TENM3: variants seen among roughly 807,000 people sequenced by gnomAD.
The protein encoded by TENM3 is teneurin-3.
In TENM3, 63 loss-of-function variants were observed where a neutral mutation model predicts 255.1. The ratio of observed to expected loss-of-function variants is 0.25; its 90% CI spans 0.20 to 0.30. The LOEUF (loss-of-function observed/expected upper bound fraction) is 0.30. TENM3 is among the 10% of genes least tolerant of loss of function. The probability of loss-of-function intolerance (pLI) is 1.00; values close to 1 mark genes in which losing one functional copy is unlikely to be tolerated. For missense variants in TENM3, 2,929 were observed against 3,461.1 expected, an observed-to-expected ratio of 0.85 and a Z score of 3.86; for synonymous variants, 1,306 against 1,322.3, an observed-to-expected ratio of 0.99 and a Z score of 0.27.
intron 3 of TENM3, among the ~76,000 whole-genome samples, chr4:182,507,349 G>T (rs1038535271): frequency 6.6e-6 from 1 of 152,008 alleles, no homozygotes; most frequent in African/African-American, 2.4e-5. Context: ...TTTTCTTTCT[G>T]TTCCAAGTAC....
At chr4:182,252,415 A>G (rs902713992) in intron 1 of TENM3, among the ~76,000 whole-genome samples, 1 of 152,212 alleles carries the variant, frequency 6.6e-6, no homozygotes, top group African/African-American at 2.4e-5. Flanking sequence ...AAAAATTTAA[A>G]TAACGATGTG....
Position 182,683,722 on chromosome 4 carries a change from A to T in TENM3, c.2035+1708A>T, listed in dbSNP as rs567791875. Among the ~76,000 whole-genome samples, 6 of 152,264 alleles carry T rather than the reference A, an allele frequency of 3.9e-5. No homozygotes were observed. In the South Asian group the frequency reaches 1.2e-3, roughly 32 times the overall value. On this transcript the variant is annotated intron_variant, in intron 11 of 27. Transcript: ENST00000511685. ...ATTTGCCCACTAAGACAATGAGAGT[A>T]TTGTTTTTGGAAAACTGTCCTGTAG...
the TENM3 span, among the ~76,000 whole-genome samples, chr4:181,913,367 A>C: frequency 6.6e-6 from 1 of 152,130 alleles, no homozygotes; most frequent in African/African-American, 2.4e-5. Context: ...TCAGGCAAAA[A>C]TTTTCTCAGC....
the TENM3 span, among the ~76,000 whole-genome samples, chr4:181,594,707 A>G: frequency 6.6e-6 from 1 of 152,162 alleles, no homozygotes; most frequent in Non-Finnish European, 1.5e-5. Context: ...GTGCCAATCT[A>G]TCTCCTAACC....
chr4:181,924,702 A>G, the TENM3 span, among the ~76,000 whole-genome samples: 1 of 152,076 alleles, frequency 6.6e-6, no homozygotes, highest in African/African-American at 2.4e-5. Flanking sequence ...TCATCATTTG[A>G]ACCTCCCAAC....
At chr4:181,921,146 A>G in the TENM3 span, among the ~76,000 whole-genome samples, 6 of 151,996 alleles carry the variant, frequency 3.9e-5, no homozygotes, top group Non-Finnish European at 7.4e-5. Context: ...GGCTTGTAGT[A>G]GAGTTTGAAG....
the TENM3 span, among the ~76,000 whole-genome samples, chr4:181,559,092 C>G: frequency 6.7e-6 from 1 of 150,336 alleles, no homozygotes; most frequent in South Asian, 2.1e-4. Context: ...ACTTGCTTTT[C>G]GAATTAAAAA....
At chr4:181,957,913 G>C in the TENM3 span, among the ~76,000 whole-genome samples, 2 of 152,182 alleles carry the variant, frequency 1.3e-5, no homozygotes, top group Non-Finnish European at 2.9e-5. Context: ...GGATTGTGCT[G>C]AGTTTCTGGA....
intron 1 of TENM3, among the ~76,000 whole-genome samples, chr4:182,151,716 T>C (rs1750371438): frequency 6.6e-6 from 1 of 152,060 alleles, no homozygotes; most frequent in Admixed American, 6.6e-5. Flanking sequence ...TCTTGGGCAG[T>C]GTTATTACAT....
At chr4:181,581,244 C>A in the TENM3 span, among the ~76,000 whole-genome samples, 1 of 152,100 alleles carries the variant, frequency 6.6e-6, no homozygotes, top group Non-Finnish European at 1.5e-5. Flanking sequence ...AGTTTGAGAC[C>A]AGCCCGGCCA....
At chr4:181,587,128 A>G in the TENM3 span, among the ~76,000 whole-genome samples, 1 of 152,160 alleles carries the variant, frequency 6.6e-6, no homozygotes, top group South Asian at 2.1e-4. Flanking sequence ...TGTCTAGGCC[A>G]ATGTATTTAA....
chr4:182,184,965 C>G (rs970359497), intron 1 of TENM3, among the ~76,000 whole-genome samples: 2 of 151,844 alleles, frequency 1.3e-5, no homozygotes, highest in Non-Finnish European at 2.9e-5. Flanking sequence ...CGCCTGTGAT[C>G]CTAGTAACTC....
At chr4:182,758,766 CACA>C (rs1350140396) in intron 22 of TENM3, among the ~76,000 whole-genome samples, 2 of 152,170 alleles carry the variant, frequency 1.3e-5, no homozygotes, top group East Asian at 3.9e-4. Flanking sequence ...TCACCAAAAC[CACA>C]ACGAGATTGT....
intron 3 of TENM3, among the ~76,000 whole-genome samples, chr4:182,600,302 A>C (rs1026191940): frequency 3.9e-5 from 6 of 152,184 alleles, no homozygotes; most frequent in Non-Finnish European, 8.8e-5. Flanking sequence ...TCAGTCTGTT[A>C]AGTACCCATG....
the TENM3 span, among the ~76,000 whole-genome samples, chr4:181,592,663 T>TC: frequency 0.01 from 443 of 42,504 alleles, 1 homozygote; most frequent in South Asian, 0.036. Flanking sequence ...AAAATCTCTC[T>TC]TTTTTTTTTT....
chr4:182,174,395 A>C (rs200264024), intron 1 of TENM3, among the ~76,000 whole-genome samples: 6 of 115,448 alleles, frequency 5.2e-5, no homozygotes, highest in East Asian at 2.5e-4. Flanking sequence ...GCTGCAAAAA[A>C]AAAAAAAAAG....
At chr4:182,711,534 G>A (rs1758747711) in intron 12 of TENM3, 1 of 958,350 alleles carries the variant, frequency 1.0e-6, no homozygotes, top group South Asian at 4.8e-5. Flanking sequence ...TGACACTTCT[G>A]AAATGTCTGT....
At chr4:182,368,863 G>A (rs183391859) in intron 3 of TENM3, among the ~76,000 whole-genome samples, 91 of 152,292 alleles carry the variant, frequency 6.0e-4, no homozygotes, top group Admixed American at 7.2e-4. Flanking sequence ...GCATCAGAGA[G>A]GAGAGAGTGT....
At chr4:182,059,226 C>T in the TENM3 span, among the ~76,000 whole-genome samples, 62 of 152,128 alleles carry the variant, frequency 4.1e-4, no homozygotes, top group Non-Finnish European at 7.8e-4. Flanking sequence ...TTATGATCTC[C>T]TTGATTTTCA....
Sources: gnomAD v4.1 joint callset for allele counts (sites outside exome capture counted in the v4.1 genomes callset) on GRCh38, gnomAD v4.1.1 for gene constraint, MANE v1.5 for transcripts, NCBI Gene and HGNC (gene_info 2026-07-23, HGNC 2026-07-21) for gene names.